LYPLA1: variants seen among roughly 807,000 people sequenced by gnomAD.
LYPLA1 encodes the protein lysophospholipase 1.
In LYPLA1, 17 loss-of-function variants were observed where a neutral mutation model predicts 34.0. That is an observed-to-expected ratio of 0.50 (90% confidence interval 0.34 to 0.75). The LOEUF (loss-of-function observed/expected upper bound fraction) is 0.75. Among genes scored for constraint, LYPLA1 ranks in the 30% least tolerant of loss-of-function variants. The pLI is 0.01. For missense variants in LYPLA1, 203 were observed against 288.8 expected (o/e 0.70, Z 2.15); for synonymous variants, 98 against 100.8 (o/e 0.97, Z 0.17).
chr8:54,047,476 A>G lies in LYPLA1; in HGVS notation c.*589T>C, dbSNP rs1805550008. The G allele has an allele frequency of 6.6e-6, 1 of 152,194 alleles. No homozygotes were observed. Among genetic ancestry groups the G allele is most frequent in the Non-Finnish European group, 1.5e-5 (1 of 68,002 alleles). 9.4% of individuals were successfully genotyped at this position (152,194 alleles called of 1,614,324 possible). On this transcript the variant is annotated 3_prime_UTR_variant, in exon 9 of 9. Coordinates refer to ENST00000316963, the MANE Select transcript of LYPLA1 (RefSeq NM_006330.4). ...GAAAATAAAAGCCTGGTCCCAAAAT[A>G]AAAGGGCCATTAATTGAAGAGAACG...
At chr8:54,067,334 AAACTT>A (rs1210949703) in intron 2 of LYPLA1, among the ~76,000 whole-genome samples, 3 of 152,184 alleles carry the variant, frequency 2.0e-5, no homozygotes, top group African/African-American at 7.2e-5. Flanking sequence ...ACTCTACAGA[AAACTT>A]AAGAAAAAAA....
chr8:54,095,718 GA>G (rs1439820932), intron 2 of LYPLA1, among the ~76,000 whole-genome samples: 1 of 151,224 alleles, frequency 6.6e-6, no homozygotes, highest in African/African-American at 2.4e-5. Context: ...AACCCAAACT[GA>G]GGGACATTCT....
intron 2 of LYPLA1, among the ~76,000 whole-genome samples, chr8:54,066,103 A>G (rs1242990742): frequency 6.6e-6 from 1 of 151,856 alleles, no homozygotes; most frequent in African/African-American, 2.4e-5. Flanking sequence ...CGCCCGGCTA[A>G]TTTTTTCTAA....
chr8:54,068,965 C>A (rs977155562), intron 2 of LYPLA1, among the ~76,000 whole-genome samples: 1 of 152,026 alleles, frequency 6.6e-6, no homozygotes, highest in Admixed American at 6.6e-5. Context: ...TTGCAACTCA[C>A]AAACAAAAAG....
intron 2 of LYPLA1, among the ~76,000 whole-genome samples, chr8:54,097,903 T>C (rs2129373450): frequency 6.6e-6 from 1 of 152,366 alleles, no homozygotes; most frequent in African/African-American, 2.4e-5. Flanking sequence ...GGGGCCATCA[T>C]TAAGCAATGT....
chr8:54,095,758 T>C (rs533899945), intron 2 of LYPLA1, among the ~76,000 whole-genome samples: 57 of 151,940 alleles, frequency 3.8e-4, no homozygotes, highest in Admixed American at 7.9e-4. Context: ...ACTTTTTTTT[T>C]TTTTTTTTGG....
intron 5 of LYPLA1, 57 bp from the exon 6 acceptor site, chr8:54,055,190 A>G: frequency 9.9e-7 from 1 of 1,005,892 alleles, no homozygotes; most frequent in Non-Finnish European, 1.5e-6. Context: ...CCACTGATAA[A>G]ATTTAAATTA....
chr8:54,070,591 C>T (rs758409582), intron 2 of LYPLA1, among the ~76,000 whole-genome samples: 3 of 152,064 alleles, frequency 2.0e-5, no homozygotes, highest in Non-Finnish European at 2.9e-5. Context: ...GGCTTGATGG[C>T]GCATGCCTGT....
chr8:54,091,254 G>A (rs557013756), intron 2 of LYPLA1, among the ~76,000 whole-genome samples: 84 of 151,672 alleles, frequency 5.5e-4, no homozygotes, highest in African/African-American at 1.6e-3. Context: ...TTGGGAGGCC[G>A]AGGTGGGCGG....
chr8:54,066,390 G>A (rs1388554112), intron 2 of LYPLA1, among the ~76,000 whole-genome samples: 1 of 152,104 alleles, frequency 6.6e-6, no homozygotes, highest in Non-Finnish European at 1.5e-5. Context: ...TTTCCACAGG[G>A]CTTCACAACT....
intron 2 of LYPLA1, among the ~76,000 whole-genome samples, chr8:54,074,015 T>C (rs544517796): frequency 7.9e-5 from 12 of 152,292 alleles, no homozygotes; most frequent in Admixed American, 7.2e-4. Context: ...TGACTCATGC[T>C]TGTAATCCCA....
downstream of LYPLA1, among the ~76,000 whole-genome samples, chr8:54,046,153 T>C (rs940694463): frequency 9.2e-5 from 14 of 152,228 alleles, no homozygotes; most frequent in African/African-American, 2.4e-4. Flanking sequence ...GGTAGAAACA[T>C]TGAAAACCAA....
intron 5 of LYPLA1, among the ~76,000 whole-genome samples, chr8:54,061,849 G>GTATGTT (rs1806657441): frequency 6.6e-6 from 1 of 151,914 alleles, no homozygotes; most frequent in Admixed American, 6.6e-5. Flanking sequence ...GTTTTTTTTG[G>GTATGTT]TTTGTTTTTG....
intron 5 of LYPLA1, among the ~76,000 whole-genome samples, chr8:54,061,083 A>C (rs1212504080): frequency 6.6e-6 from 1 of 150,738 alleles, no homozygotes; most frequent in Non-Finnish European, 1.5e-5. Context: ...ACTGGCCAAA[A>C]CTATTTTTTT....
At chr8:54,091,570 A>AAG (rs1563663414) in intron 2 of LYPLA1, among the ~76,000 whole-genome samples, 1 of 133,712 alleles carries the variant, frequency 7.5e-6, no homozygotes, top group African/African-American at 3.0e-5. Flanking sequence ...AAGGAAGGAA[A>AAG]GAAAGAAAGA....
intron 2 of LYPLA1, among the ~76,000 whole-genome samples, chr8:54,067,920 C>T (rs569413666): frequency 1.1e-3 from 161 of 152,136 alleles, no homozygotes; most frequent in Non-Finnish European, 2.0e-3. Context: ...ATCTCCTGAC[C>T]TCATGATCCG....
intron 2 of LYPLA1, among the ~76,000 whole-genome samples, chr8:54,072,576 C>G (rs763050698): frequency 4.0e-5 from 6 of 151,550 alleles, no homozygotes; most frequent in Non-Finnish European, 8.8e-5. Context: ...TGTAGCCATT[C>G]TTTTATTCCT....
intron 2 of LYPLA1, among the ~76,000 whole-genome samples, chr8:54,084,851 A>T (rs1206174003): frequency 6.6e-6 from 1 of 152,258 alleles, no homozygotes; most frequent in Non-Finnish European, 1.5e-5. Context: ...CAAGAAACAA[A>T]ATCTATACAG....
intron 2 of LYPLA1, among the ~76,000 whole-genome samples, chr8:54,077,961 A>G (rs1808029643): frequency 6.6e-6 from 1 of 152,000 alleles, no homozygotes; most frequent in African/African-American, 2.4e-5. Flanking sequence ...TTTATTTTTT[A>G]TTCTTTTGAG....
Sources: allele counts gnomAD v4.1 joint callset (sites outside exome capture counted in the v4.1 genomes callset), GRCh38; gene constraint gnomAD v4.1.1; transcripts MANE v1.5; gene names NCBI Gene and HGNC (gene_info 2026-07-23, HGNC 2026-07-21).